Variants in CADPS observed in about 807,000 individuals in gnomAD.
CADPS encodes calcium-dependent secretion activator 1.
A neutral mutation model predicts 167.3 loss-of-function variants in CADPS; 57 were observed. The ratio of observed to expected loss-of-function variants is 0.34; its 90% confidence interval spans 0.28 to 0.42. The LOEUF is 0.42. CADPS is among the 20% of genes least tolerant of loss of function. CADPS has a pLI of 1.00. For missense variants in CADPS, 1,414 were observed against 1,738.1 expected (o/e 0.81, Z 3.32); for synonymous variants, 676 against 635.3 (o/e 1.06, Z -0.96).
At chr3:62,572,513 T>C (rs966733997) in intron 8 of CADPS, among the ~76,000 whole-genome samples, 3 of 152,142 alleles carry the variant, frequency 2.0e-5, no homozygotes, top group Non-Finnish European at 4.4e-5. Context: ...CTAAAATTCC[T>C]TCAGTGCCTC....
chr3:62,863,354 T>C (rs543384295), intron 1 of CADPS, among the ~76,000 whole-genome samples: 64 of 152,294 alleles, frequency 4.2e-4, no homozygotes, highest in African/African-American at 1.5e-3. Flanking sequence ...TTAGCACCTA[T>C]CTTATAAGGT....
rs373377962 is a variant in CADPS at position 62,650,830 on chromosome 3, G to A, written c.1203+17C>T. 1.2e-6 allele frequency: 2 copies of A among 1,600,406 alleles called. No individual in the cohort carries two copies. The highest frequency in any genetic ancestry group is 1.7e-5 in the Admixed American group (1 of 59,776). The stretch of plus-strand genomic sequence containing the variant: ...CTTGCTGTGCCAAGAAACTTTCAAG[G>A]GCTCAGGGCTTTTTACCTCCAATGA... On this transcript the variant is annotated intron_variant, in intron 5 of 29. Transcript: ENST00000383710.
intron 3 of CADPS, among the ~76,000 whole-genome samples, chr3:62,730,760 G>A (rs1479943136): frequency 1.3e-5 from 2 of 152,194 alleles, no homozygotes; most frequent in Non-Finnish European, 2.9e-5. Flanking sequence ...CCAATGAGTT[G>A]CATACTTTCC....
chr3:62,843,515 GTGTC>G (rs1237151392), intron 1 of CADPS, among the ~76,000 whole-genome samples: 1 of 152,092 alleles, frequency 6.6e-6, no homozygotes, highest in East Asian at 1.9e-4. Flanking sequence ...GTGTGTGTGT[GTGTC>G]TATGTGTGTA....
chr3:62,498,989 G>C lies in CADPS; in HGVS notation c.2706+173C>G, dbSNP rs1315937197. Among the ~76,000 whole-genome samples the C allele has an allele frequency of 2.6e-5, 4 of 152,260 alleles. No homozygotes were observed. The South Asian group carries it at 8.3e-4, about 32-fold the overall frequency. On this transcript the variant is annotated intron_variant, in intron 18 of 29. Transcript: ENST00000383710. Reference sequence around the variant, plus strand: ...ACAACATGCAACCACTTTTTGGTTGGTTAAAATAACCTTCCAAAGACTTCT... The same window carrying C: ...ACAACATGCAACCACTTTTTGGTTGCTTAAAATAACCTTCCAAAGACTTCT...
chr3:62,610,274 G>A (rs935606784), intron 6 of CADPS, among the ~76,000 whole-genome samples: 11 of 128,378 alleles, frequency 8.6e-5, no homozygotes, highest in Admixed American at 4.2e-4. Context: ...CTTCCTTTTT[G>A]GAGTCTTACT....
chr3:62,477,274 A>C (rs1052398749), intron 23 of CADPS, among the ~76,000 whole-genome samples: 1 of 150,698 alleles, frequency 6.6e-6, no homozygotes, highest in African/African-American at 2.4e-5. Context: ...GCTACACAAC[A>C]TCTGGAGATT....
intron 28 of CADPS, among the ~76,000 whole-genome samples, chr3:62,437,073 A>T (rs2055238652): frequency 6.6e-6 from 1 of 152,018 alleles, no homozygotes; most frequent in Non-Finnish European, 1.5e-5. Flanking sequence ...AAATAGAAAC[A>T]TGGATTCCAT....
intron 3 of CADPS, among the ~76,000 whole-genome samples, chr3:62,747,315 G>C (rs1164500539): frequency 2.6e-5 from 4 of 152,220 alleles, no homozygotes; most frequent in Admixed American, 6.5e-5. Flanking sequence ...TGAAGAAATA[G>C]AGTCTGGCCC....
At chr3:62,563,853 G>T in intron 9 of CADPS, among the ~76,000 whole-genome samples, 1 of 152,136 alleles carries the variant, frequency 6.6e-6, no homozygotes, top group South Asian at 2.1e-4. Flanking sequence ...CATCCAAATT[G>T]CTGTGAATGC....
intron 3 of CADPS, among the ~76,000 whole-genome samples, chr3:62,742,771 A>T (rs2080557671): frequency 6.6e-6 from 1 of 152,238 alleles, no homozygotes; most frequent in Non-Finnish European, 1.5e-5. Flanking sequence ...AAAAATTGAC[A>T]AATGGGATCT....
chr3:62,657,833 G>A (rs1314375263), intron 4 of CADPS, among the ~76,000 whole-genome samples: 1 of 152,096 alleles, frequency 6.6e-6, no homozygotes, highest in African/African-American at 2.4e-5. Flanking sequence ...GGACAGACAT[G>A]TCTTTCAGTG....
intron 1 of CADPS, among the ~76,000 whole-genome samples, chr3:62,854,671 T>A (rs2079302580): frequency 5.3e-5 from 8 of 152,186 alleles, no homozygotes. Flanking sequence ...GATTGTGTAG[T>A]CGTAAGTAAC....
Position 62,478,505 on chromosome 3 carries a change from C to G in CADPS, c.3174-89G>C. 1 of 1,217,468 alleles carries G rather than the reference C, an allele frequency of 8.2e-7. No homozygotes were observed. The highest frequency in any genetic ancestry group is 1.2e-6 in the Non-Finnish European group (1 of 862,202). The allele number at this position is 1,217,468 out of a possible 1,614,324, so 75.4% of individuals were successfully genotyped here. On this transcript the variant is annotated intron_variant, in intron 22 of 29. Transcript: ENST00000383710. The surrounding 1 kb of genome is among the most constrained non-coding windows in gnomAD (Gnocchi z 5.7). Reference sequence around the variant, plus strand: ...ACAGAGACAACTGGGGGCTAGAAGGCAAACAGCAGCTTCAACATACAAAAC... The same window carrying G: ...ACAGAGACAACTGGGGGCTAGAAGGGAAACAGCAGCTTCAACATACAAAAC...
intron 3 of CADPS, among the ~76,000 whole-genome samples, chr3:62,669,902 C>T (rs1486130903): frequency 2.0e-5 from 3 of 152,188 alleles, no homozygotes; most frequent in Non-Finnish European, 4.4e-5. Context: ...TTCTGCAGCA[C>T]TTAAAGTAGT....
At chr3:62,499,327 A>AT (rs2065327188) in intron 17 of CADPS, 59 bp from the exon 18 acceptor site, 3 of 1,017,264 alleles carry the variant, frequency 2.9e-6, no homozygotes, top group African/African-American at 3.1e-5. Flanking sequence ...TTTTATGGCC[A>AT]TTAGAACTAG....
chr3:62,536,605 G>T, intron 11 of CADPS, 24 bp from the exon 12 acceptor site: 1 of 1,607,442 alleles, frequency 6.2e-7, no homozygotes, highest in South Asian at 1.1e-5. Context: ...CATGTAGAGA[G>T]AGACACAATT....
intron 19 of CADPS, 21 bp downstream of exon 19, chr3:62,493,624 A>C: frequency 6.4e-7 from 1 of 1,550,852 alleles, no homozygotes; most frequent in Non-Finnish European, 8.7e-7. Context: ...CTCTTCTTTC[A>C]CGAGATTTCA....
chr3:62,763,462 T>A (rs547373354), intron 2 of CADPS, among the ~76,000 whole-genome samples: 89 of 152,338 alleles, frequency 5.8e-4, no homozygotes, highest in African/African-American at 1.3e-3. Flanking sequence ...GGCCTACTCC[T>A]GGACTTTTAA....
Sources: gnomAD v4.1 joint callset for allele counts (sites outside exome capture counted in the v4.1 genomes callset) on GRCh38, gnomAD v4.1.1 for gene constraint, Gnocchi (gnomAD v3.1) non-coding constraint, MANE v1.5 for transcripts, NCBI Gene and HGNC (gene_info 2026-07-23, HGNC 2026-07-21) for gene names.